Variants in EFNA5 observed in about 807,000 individuals in gnomAD.
The protein encoded by EFNA5 is ephrin-A5.
EFNA5 carries 5 observed loss-of-function variants against 22.9 expected under a neutral mutation model. The ratio of observed to expected loss-of-function variants is 0.22; its 90% CI spans 0.11 to 0.46. The LOEUF (loss-of-function observed/expected upper bound fraction) is 0.46. Ranked by LOEUF, EFNA5 falls within the 20% of genes least tolerant of loss-of-function variation. The pLI, the probability that EFNA5 is intolerant of heterozygous loss-of-function variation, is 0.99. For missense variants in EFNA5, 237 were observed against 293.3 expected (o/e 0.81, Z 1.40); for synonymous variants, 113 against 112.2 (o/e 1.01, Z -0.04).
Position 107,483,661 on chromosome 5 carries a change from C to T in EFNA5, c.126-56152G>A, listed in dbSNP as rs542646689. Among the ~76,000 whole-genome samples the T allele has an allele frequency of 9.8e-4, 149 of 152,304 alleles. 1 individual carries two copies. Among genetic ancestry groups the T allele is most frequent in the Admixed American group, 1.6e-3 (24 of 15,296 alleles). On this transcript the variant is annotated intron_variant, in intron 1 of 4. Coordinates refer to ENST00000333274, the MANE Select transcript of EFNA5 (RefSeq NM_001962.3). ...GAGCAAAGAAGAACAAGATACTTAA[C>T]TTACAAAAGTTTTATCTTAAAATAC...
intron 1 of EFNA5, among the ~76,000 whole-genome samples, chr5:107,574,792 C>G (rs943897229): frequency 6.6e-6 from 1 of 152,168 alleles, no homozygotes; most frequent in Non-Finnish European, 1.5e-5. Context: ...AAGAAAAAGG[C>G]TGGTGAGATT....
At chr5:107,490,249 CATTT>C (rs1253575589) in intron 1 of EFNA5, among the ~76,000 whole-genome samples, 1 of 152,038 alleles carries the variant, frequency 6.6e-6, no homozygotes, top group Non-Finnish European at 1.5e-5. Flanking sequence ...CACACTATGT[CATTT>C]ATTTGTTTAT....
chr5:107,400,927 A>G (rs1201646693), intron 2 of EFNA5, among the ~76,000 whole-genome samples: 1 of 152,168 alleles, frequency 6.6e-6, no homozygotes, highest in African/African-American at 2.4e-5. Context: ...TTACTATTTG[A>G]TTTTCCCAGA....
At chr5:107,644,102 T>C (rs1327293074) in intron 1 of EFNA5, among the ~76,000 whole-genome samples, 1 of 152,098 alleles carries the variant, frequency 6.6e-6, no homozygotes, top group Non-Finnish European at 1.5e-5. Context: ...CTCATTAAGT[T>C]AAGCTGATTA....
chr5:107,442,425 T>C (rs547406850), intron 1 of EFNA5, among the ~76,000 whole-genome samples: 11 of 152,124 alleles, frequency 7.2e-5, no homozygotes, highest in Admixed American at 1.3e-4. Context: ...CATAAAGAAA[T>C]TCTCTTTTCA....
intron 2 of EFNA5, among the ~76,000 whole-genome samples, chr5:107,393,798 G>GGGCTTA (rs1279400706): frequency 6.6e-6 from 1 of 152,186 alleles, no homozygotes; most frequent in Non-Finnish European, 1.5e-5. Flanking sequence ...CACAATAAAT[G>GGGCTTA]CTGAAAGAGT....
At chr5:107,605,067 A>G (rs1158154535) in intron 1 of EFNA5, among the ~76,000 whole-genome samples, 1 of 151,718 alleles carries the variant, frequency 6.6e-6, no homozygotes, top group Admixed American at 6.6e-5. Flanking sequence ...GGGCAGCAAG[A>G]AAAGGGCCAG....
chr5:107,603,320 T>C (rs542586902), intron 1 of EFNA5, among the ~76,000 whole-genome samples: 10 of 152,280 alleles, frequency 6.6e-5, no homozygotes, highest in African/African-American at 2.4e-4. Flanking sequence ...TATACAGAAT[T>C]GACTGTAGTT....
intron 2 of EFNA5, among the ~76,000 whole-genome samples, chr5:107,397,296 A>T (rs1443572955): frequency 1.3e-5 from 2 of 152,168 alleles, no homozygotes; most frequent in Non-Finnish European, 2.9e-5. Flanking sequence ...CATGCCTGTA[A>T]TCCCAACACT....
chr5:107,594,929 G>T (rs1279188020), intron 1 of EFNA5, among the ~76,000 whole-genome samples: 3 of 152,176 alleles, frequency 2.0e-5, no homozygotes, highest in Non-Finnish European at 2.9e-5. Context: ...GGCCAAAACA[G>T]CGGCTAAGTG....
intron 1 of EFNA5, among the ~76,000 whole-genome samples, chr5:107,594,312 T>TA (rs1408538617): frequency 6.6e-6 from 1 of 152,136 alleles, no homozygotes; most frequent in African/African-American, 2.4e-5. Context: ...CCACTAAAGC[T>TA]ACACCAGGCT....
At chr5:107,463,530 G>A (rs1406471459) in intron 1 of EFNA5, among the ~76,000 whole-genome samples, 1 of 152,050 alleles carries the variant, frequency 6.6e-6, no homozygotes, top group African/African-American at 2.4e-5. Context: ...ACATATTTGT[G>A]TATGTGTATA....
rs1211678502 is a variant in EFNA5 at position 107,547,585 on chromosome 5, T to C, written c.126-120076A>G. Among the ~76,000 whole-genome samples, 6 of 151,756 alleles carry C rather than the reference T, an allele frequency of 4.0e-5. 1 individual carries two copies. The East Asian group carries it at 5.8e-4, about 15-fold the overall frequency. ...AACCAATGCCTGTTGTGCAAATAAA[T>C]ACAGAGTTAGTGTTTACCCCTGGCA... On this transcript the variant is annotated intron_variant, in intron 1 of 4. Coordinates refer to ENST00000333274, the MANE Select transcript of EFNA5 (RefSeq NM_001962.3).
chr5:107,466,123 A>C (rs1749973623), intron 1 of EFNA5, among the ~76,000 whole-genome samples: 1 of 152,126 alleles, frequency 6.6e-6, no homozygotes, highest in Admixed American at 6.6e-5. Context: ...TCACACCTTG[A>C]TTCCAAAGAC....
chr5:107,518,817 C>T (rs569070020), intron 1 of EFNA5, among the ~76,000 whole-genome samples: 150 of 152,236 alleles, frequency 9.9e-4, no homozygotes, highest in African/African-American at 3.4e-3. Flanking sequence ...AATCACAAAG[C>T]CACCTGAACT....
At chr5:107,421,175 G>A (rs940727484) in intron 2 of EFNA5, among the ~76,000 whole-genome samples, 3 of 152,150 alleles carry the variant, frequency 2.0e-5, no homozygotes, top group African/African-American at 7.2e-5. Context: ...TTGCCTCATG[G>A]CTTAAGATAA....
intron 1 of EFNA5, among the ~76,000 whole-genome samples, chr5:107,636,760 T>C (rs1750380486): frequency 6.6e-6 from 1 of 152,136 alleles, no homozygotes; most frequent in South Asian, 2.1e-4. Context: ...GAAAACTGTT[T>C]AAAGGGAAAG....
In EFNA5 at chr5:107,572,860, C is replaced by T. The variant is rs188022571; in HGVS notation, c.125+97629G>A. Among the ~76,000 whole-genome samples the T allele has an allele frequency of 6.6e-5, 10 of 152,230 alleles. No homozygotes were observed. In the East Asian group the frequency reaches 1.9e-3, roughly 29 times the overall value. ...GCATGCTGATGTTTTGTAAGATCAGCCCGCTGTCCCTTATGATGATTCCCT... is the reference window on the plus strand; with the variant it reads ...GCATGCTGATGTTTTGTAAGATCAGTCCGCTGTCCCTTATGATGATTCCCT... On this transcript the variant is annotated intron_variant, in intron 1 of 4. Transcript: ENST00000333274.
intron 1 of EFNA5, among the ~76,000 whole-genome samples, chr5:107,657,113 A>C (rs1750843087): frequency 1.3e-5 from 2 of 152,146 alleles, no homozygotes; most frequent in South Asian, 4.1e-4. Context: ...ATGACAAGTC[A>C]CTGTTAATAA....
Sources: gnomAD v4.1 joint callset for allele counts (sites outside exome capture counted in the v4.1 genomes callset) on GRCh38, gnomAD v4.1.1 for gene constraint, MANE v1.5 for transcripts, NCBI Gene and HGNC (gene_info 2026-07-23, HGNC 2026-07-21) for gene names.